The following GON4L variants were observed in gnomAD, a reference collection of about 807,000 sequenced individuals.
The protein encoded by GON4L is gon-4 like.
GON4L carries 87 observed loss-of-function variants against 211.8 expected under a neutral mutation model. The ratio of observed to expected loss-of-function variants is 0.41; its 90% confidence interval spans 0.35 to 0.49. The LOEUF is 0.49. Among genes scored for constraint, GON4L ranks in the 20% least tolerant of loss-of-function variants. The probability of loss-of-function intolerance (pLI) is 0.15; values close to 1 mark genes in which losing one functional copy is unlikely to be tolerated. For synonymous variants in GON4L, 875 were observed against 962.6 expected, an observed-to-expected ratio of 0.91 and a Z score of 1.68; for missense variants, 2,155 against 2,659.5, an observed-to-expected ratio of 0.81 and a Z score of 4.17.
chr1:155,815,691 G>T, intron 8 of GON4L, 114 bp downstream of exon 8: 1 of 723,820 alleles, frequency 1.4e-6, no homozygotes, highest in South Asian at 1.5e-5. Context: ...TTAAAGCACA[G>T]AAATGAGCTG....
intron 24 of GON4L, 67 bp downstream of exon 24, chr1:155,760,377 C>T: frequency 1.0e-6 from 1 of 969,748 alleles, no homozygotes; most frequent in African/African-American, 1.6e-5. Context: ...TCTTATTCAA[C>T]CCCATTCAAT....
At chr1:155,824,927 T>G (rs1180092864) in intron 3 of GON4L, among the ~76,000 whole-genome samples, 1 of 151,674 alleles carries the variant, frequency 6.6e-6, no homozygotes, top group African/African-American at 2.4e-5. Context: ...AAGGAGGGAC[T>G]GCTCGAGCCC....
chr1:155,762,327 G>C lies in GON4L; in HGVS notation c.4774C>G (p.Arg1592Gly). The change falls in exon 23 of 32, where the codon CGC becomes GGC. Residue 1592 changes from arginine (R) to glycine (G), a missense_variant. Arg to Gly is a moderately radical substitution (Grantham distance 125, BLOSUM62 -2). Transcript: ENST00000368331. ...AGKGRNNHRA[R>G]NKRGSRARAS... Reference sequence around the variant, plus strand: ...CGAGCCCGACTTCCCCGCTTGTTGCGAGCTCGATGATTGTTCCGGCCTTTT... The same window carrying C: ...CGAGCCCGACTTCCCCGCTTGTTGCCAGCTCGATGATTGTTCCGGCCTTTT... 1.9e-6 allele frequency: 3 copies of C among 1,613,618 alleles called. No individual in the cohort carries two copies. Among genetic ancestry groups the C allele is most frequent in the Non-Finnish European group, 2.5e-6 (3 of 1,179,650 alleles).
rs1364969739 is a variant in GON4L, at chr1:155,765,805, T to C, written c.3668A>G (p.Asp1223Gly). ...AATGTCCACATTCACGTGGGCCTTA[T>C]CTTCAGGGGTGGATGGTATAGGAAG... ...VNLPIPSTPE[D>G]KAHVNVDIAC... is the part of the protein sequence containing the mutation. The change falls in exon 21 of 32, where the codon GAT (aspartate) becomes GGT (glycine). Residue 1223 changes from aspartate (D) to glycine (G), a missense_variant. Around this residue, in one of 6 missense-constraint regions of GON4L, gnomAD observed 615 missense variants for 625.7 expected, o/e 0.98. Transcript: ENST00000368331. 1 of 1,614,188 alleles carries C rather than the reference T, an allele frequency of 6.2e-7. No homozygotes were observed. The highest frequency in any genetic ancestry group is 8.5e-7 in the Non-Finnish European group (1 of 1,180,036).
chr1:155,770,777 T>C (rs1485014218), intron 19 of GON4L, among the ~76,000 whole-genome samples: 1 of 152,040 alleles, frequency 6.6e-6, no homozygotes, highest in East Asian at 1.9e-4. Flanking sequence ...GGCAGGAGAA[T>C]CGCTTGAACC....
At chr1:155,807,007 A>G in intron 10 of GON4L, among the ~76,000 whole-genome samples, 1 of 151,572 alleles carries the variant, frequency 6.6e-6, no homozygotes, top group African/African-American at 2.4e-5. Flanking sequence ...GCTGAAAGAG[A>G]AGGATCTCTT....
chr1:155,857,159 C>G lies in GON4L; in HGVS notation c.-39G>C, dbSNP rs1289307642. 6.6e-6 allele frequency: 1 copy of G among 152,590 alleles called. No homozygotes were observed. The highest frequency in any genetic ancestry group is 1.5e-5 in the Non-Finnish European group (1 of 68,086). The allele number at this position is 152,590 out of a possible 1,614,324, so 9.5% of individuals were successfully genotyped here. A position where few individuals can be genotyped will look rare whatever the true frequency, so the allele number is the denominator to read the frequency against. On this transcript the variant is annotated 5_prime_UTR_variant, in exon 1 of 32. Coordinates refer to ENST00000368331, the MANE Select transcript of GON4L (RefSeq NM_001282860.2). ...ACCACACACAAACCTGTACCCTCAC[C>G]AGCCGGCCTGATTCCACGGAAACGG...
rs869034483 is a variant in GON4L, at chr1:155,784,358, CTTTTTTTTTTTTTTTTTTTTT to C, written c.1789-290_1789-270del. The C allele has an allele frequency of 1.5e-3, 159 of 104,088 alleles. 2 individuals are homozygous for C. The highest frequency in any genetic ancestry group is 0.012 in the East Asian group (38 of 3,270). The allele number at this position is 104,088 out of a possible 1,614,324, so 6.4% of individuals were successfully genotyped here. A position where few individuals can be genotyped will look rare whatever the true frequency, so the allele number is the denominator to read the frequency against. The stretch of plus-strand genomic sequence containing the variant: ...ACTCAAAATTATCAATCTCTCTCTC[CTTTTTTTTTTTTTTTTTTTTT>C]TTTTTTTTTTTTTTTTGAGACAGAG... On this transcript the variant is annotated intron_variant, in intron 13 of 31. Coordinates refer to ENST00000368331, the MANE Select transcript of GON4L (RefSeq NM_001282860.2).
intron 21 of GON4L, among the ~76,000 whole-genome samples, chr1:155,763,972 C>T (rs1355267136): frequency 6.8e-6 from 1 of 147,152 alleles, no homozygotes; most frequent in Non-Finnish European, 1.5e-5. Context: ...CACTGCACTC[C>T]AATCCGGGAG....
chr1:155,768,210 G>A (rs1325637542), intron 19 of GON4L, among the ~76,000 whole-genome samples: 2 of 151,432 alleles, frequency 1.3e-5, no homozygotes, highest in African/African-American at 4.9e-5. Context: ...GGCTGAGGCA[G>A]GAGAATTGCT....
intron 1 of GON4L, among the ~76,000 whole-genome samples, chr1:155,854,917 C>A (rs1218992428): frequency 2.0e-5 from 3 of 152,034 alleles, no homozygotes; most frequent in African/African-American, 7.2e-5. Context: ...CGCCTGTGAT[C>A]CCAGCTACTC....
chr1:155,826,195 A>G (rs1571873583), intron 3 of GON4L, among the ~76,000 whole-genome samples: 1 of 151,904 alleles, frequency 6.6e-6, no homozygotes, highest in South Asian at 2.1e-4. Flanking sequence ...TGAGTGACAG[A>G]GTGAGACCCT....
At chr1:155,787,292 T>C (rs895292444) in intron 12 of GON4L, among the ~76,000 whole-genome samples, 84 of 152,224 alleles carry the variant, frequency 5.5e-4, no homozygotes, top group Admixed American at 3.7e-3. Context: ...AAAGTTTTGG[T>C]TGTTACAAGA....
intron 10 of GON4L, 135 bp from the exon 11 acceptor site, chr1:155,805,276 CTT>C (rs557300675): frequency 3.6e-5 from 24 of 673,728 alleles, no homozygotes; most frequent in Non-Finnish European, 6.1e-5. Flanking sequence ...GTTTGAGAAA[CTT>C]TAAGAAACAC....
intron 28 of GON4L, 135 bp from the exon 29 acceptor site, chr1:155,753,549 C>CA (rs1660836475): frequency 1.5e-6 from 1 of 681,158 alleles, no homozygotes; most frequent in South Asian, 1.8e-5. Flanking sequence ...ATTTTGTTGA[C>CA]AGAGTTTCAA....
intron 11 of GON4L, among the ~76,000 whole-genome samples, chr1:155,802,417 G>A (rs1337476515): frequency 6.6e-6 from 1 of 151,980 alleles, no homozygotes; most frequent in Non-Finnish European, 1.5e-5. Flanking sequence ...AGAAAACTCT[G>A]GAAAGAATAT....
intron 19 of GON4L, among the ~76,000 whole-genome samples, chr1:155,768,742 T>TTAAC (rs1662843201): frequency 6.6e-6 from 1 of 151,852 alleles, no homozygotes; most frequent in Non-Finnish European, 1.5e-5. Context: ...ACGGCCCCAT[T>TTAAC]TAACTCTTGA....
In GON4L at chr1:155,804,877, C is replaced by A. The variant is rs528748324; in HGVS notation, c.1645+72G>T. ...TTAACCCAAACCATTCCATTCTATACCCTTCCAAATACTAAAAATTTTACA... is the reference window on the plus strand; with the variant it reads ...TTAACCCAAACCATTCCATTCTATAACCTTCCAAATACTAAAAATTTTACA... On this transcript the variant is annotated intron_variant, in intron 11 of 31. Coordinates refer to ENST00000368331, the MANE Select transcript of GON4L (RefSeq NM_001282860.2). The A allele has an allele frequency of 6.9e-6, 7 of 1,016,054 alleles. No homozygotes were observed. In the African/African-American group the frequency reaches 9.4e-5, roughly 14 times the overall value. 62.9% of individuals were successfully genotyped at this position (1,016,054 alleles called of 1,614,324 possible).
chr1:155,747,944 G>A (rs1243695234), downstream of GON4L: 5 of 1,561,902 alleles, frequency 3.2e-6, no homozygotes, highest in South Asian at 5.8e-5. Context: ...TTGGGAGAGT[G>A]GCTTAATGCA....
Sources: gnomAD v4.1 joint callset for allele counts (sites outside exome capture counted in the v4.1 genomes callset) on GRCh38, gnomAD v4.1.1 for gene constraint, gnomAD v4.1.1 regional missense constraint, MANE v1.5 for transcripts, NCBI Gene and HGNC (gene_info 2026-07-23, HGNC 2026-07-21) for gene names.